Variants in MRM1 observed in about 807,000 individuals in gnomAD.
MRM1 encodes rRNA methyltransferase 1, mitochondrial.
In MRM1, 24 loss-of-function variants were observed where a neutral mutation model predicts 25.0. The observed-to-expected ratio is 0.96, with a 90% CI of 0.69 to 1.35. The LOEUF (loss-of-function observed/expected upper bound fraction) is 1.35, where lower values mean the gene tolerates loss of function less well. Among genes scored for constraint, MRM1 ranks in the 40% most tolerant of loss-of-function variants. MRM1 has a pLI of 0.00. For synonymous variants in MRM1, 188 were observed against 199.2 expected, an observed-to-expected ratio of 0.94 and a Z score of 0.47; for missense variants, 431 against 464.1, an observed-to-expected ratio of 0.93 and a Z score of 0.65.
chr17:36,625,464 T>TC, the MRM1 span, among the ~76,000 whole-genome samples: 3 of 137,998 alleles, frequency 2.2e-5, no homozygotes, highest in Admixed American at 1.4e-4. Context: ...TCCTCCTCCT[T>TC]TTTTTTTTTT....
chr17:36,631,163 C>G, the MRM1 span, among the ~76,000 whole-genome samples: 1 of 152,220 alleles, frequency 6.6e-6, no homozygotes, highest in Non-Finnish European at 1.5e-5. Context: ...GTGATCAAAG[C>G]TCTGGAGACT....
chr17:36,622,799 G>T, the MRM1 span, among the ~76,000 whole-genome samples: 1 of 152,170 alleles, frequency 6.6e-6, no homozygotes, highest in African/African-American at 2.4e-5. Flanking sequence ...GTCTGCCTGG[G>T]TCATGCTCCT....
At chr17:36,632,313 C>T in the MRM1 span, among the ~76,000 whole-genome samples, 1 of 152,112 alleles carries the variant, frequency 6.6e-6, no homozygotes, top group Non-Finnish European at 1.5e-5. Flanking sequence ...AGCAAAGAGC[C>T]AGGAGAGCCA....
At chr17:36,604,047 C>G (rs886600877) in intron 2 of MRM1, among the ~76,000 whole-genome samples, 2 of 152,370 alleles carry the variant, frequency 1.3e-5, no homozygotes, top group Admixed American at 1.3e-4. Context: ...CCGCCTGTTG[C>G]TGTGGAAGAG....
intron 2 of MRM1, among the ~76,000 whole-genome samples, chr17:36,603,994 A>G (rs180939904): frequency 6.6e-6 from 1 of 152,294 alleles, no homozygotes; most frequent in African/African-American, 2.4e-5. Flanking sequence ...TCCAGGCATC[A>G]CATCTCCCTA....
downstream of MRM1, among the ~76,000 whole-genome samples, chr17:36,611,691 G>T (rs1020602464): frequency 6.6e-6 from 1 of 152,162 alleles, no homozygotes; most frequent in Non-Finnish European, 1.5e-5. Context: ...AGAACAAAAA[G>T]TCTGACCTCT....
intron 2 of MRM1, among the ~76,000 whole-genome samples, chr17:36,606,618 T>TG (rs2074930615): frequency 6.6e-6 from 1 of 151,278 alleles, no homozygotes; most frequent in African/African-American, 2.4e-5. Flanking sequence ...TTTTTTTTTT[T>TG]TTTGAGACAG....
intron 4 of MRM1, 59 bp from the exon 5 acceptor site, chr17:36,608,184 G>T (rs2074948344): frequency 1.3e-6 from 2 of 1,520,594 alleles, no homozygotes; most frequent in Non-Finnish European, 1.8e-6. Flanking sequence ...GAATGTCTAG[G>T]TCTCTAAACA....
Position 36,607,754 on chromosome 17 carries a change from A to G in MRM1, c.721A>G (p.Met241Val), listed in dbSNP as rs1030807568. The G allele has an allele frequency of 1.1e-5, 17 of 1,614,040 alleles. No homozygotes were observed. Among genetic ancestry groups the G allele is most frequent in the Non-Finnish European group, 1.4e-5 (17 of 1,179,982 alleles). ...EDPQSSEIPI[M>V]SCLEFLWERP... ...TCCCCAGTCCTCCGAGATCCCCATC[A>G]TGAGTTGCTTGGAGTTCCTCTGGGA... is the stretch of plus-strand genomic sequence containing the variant. The change falls in exon 3 of 5, where the codon ATG becomes GTG. Residue 241 changes from methionine to valine, a missense_variant. Coordinates refer to ENST00000614766, the MANE Select transcript of MRM1 (RefSeq NM_024864.5).
chr17:36,603,646 G>A (rs1275240410), intron 2 of MRM1, among the ~76,000 whole-genome samples: 1 of 151,860 alleles, frequency 6.6e-6, no homozygotes, highest in Non-Finnish European at 1.5e-5. Context: ...CGATCCACTC[G>A]CCTCGGCCTC....
chr17:36,606,228 TC>T (rs1248795238), intron 2 of MRM1, among the ~76,000 whole-genome samples: 2 of 152,154 alleles, frequency 1.3e-5, no homozygotes, highest in Non-Finnish European at 2.9e-5. Flanking sequence ...AGTGAGTCCA[TC>T]CCCACCTGCC....
At chr17:36,607,857 G>A (rs2074944808) in intron 3 of MRM1, 42 bp from the exon 4 acceptor site, 7 of 1,611,414 alleles carry the variant, frequency 4.3e-6, no homozygotes, top group Non-Finnish European at 5.9e-6. Flanking sequence ...GCAACTGGGT[G>A]TCCAGCTGGG....
chr17:36,625,427 C>G, the MRM1 span, among the ~76,000 whole-genome samples: 1 of 148,616 alleles, frequency 6.7e-6, no homozygotes, highest in Non-Finnish European at 1.5e-5. Context: ...CCTCCTCCTC[C>G]TCCTTCTCCT....
At chr17:36,623,917 C>T in the MRM1 span, among the ~76,000 whole-genome samples, 4 of 152,230 alleles carry the variant, frequency 2.6e-5, no homozygotes, top group African/African-American at 9.7e-5. Flanking sequence ...CCCGCTCGGA[C>T]CTGCAATAGA....
At chr17:36,604,778 C>T (rs142385842) in intron 2 of MRM1, among the ~76,000 whole-genome samples, 1 of 151,002 alleles carries the variant, frequency 6.6e-6, no homozygotes, top group Non-Finnish European at 1.5e-5. Flanking sequence ...TGCACTCCAG[C>T]CTGAGTGACA....
the MRM1 span, among the ~76,000 whole-genome samples, chr17:36,628,563 G>A: frequency 1.3e-5 from 2 of 152,200 alleles, no homozygotes; most frequent in African/African-American, 4.8e-5. Context: ...GGTGCAGTGT[G>A]GCCAGTGCTC....
At position 36,601,837 on chromosome 17, in the gene MRM1, C is replaced by T; in HGVS notation, c.27C>T (p.Gly9=). MALLSTVR[G]ATWGRLVTRH... ...TGGCATTGCTCTCGACCGTCCGGGG[C>T]GCGACCTGGGGTCGCCTCGTCACCC... is the stretch of plus-strand genomic sequence containing the variant. Residue 9 remains glycine (G), a synonymous_variant, in exon 1 of 5, where the codon GGC becomes GGT. Coordinates refer to ENST00000614766, the MANE Select transcript of MRM1 (RefSeq NM_024864.5). 1.9e-6 allele frequency: 3 copies of T among 1,580,898 alleles called. No homozygotes were observed. Among genetic ancestry groups the T allele is most frequent in the Non-Finnish European group, 2.6e-6 (3 of 1,165,074 alleles).
chr17:36,609,206 G>A (rs2074958926), downstream of MRM1, among the ~76,000 whole-genome samples: 3 of 152,302 alleles, frequency 2.0e-5, no homozygotes, highest in South Asian at 6.2e-4. Context: ...GACAGATTTG[G>A]CACTCCTCCC....
chr17:36,602,492 A>G lies in MRM1; in HGVS notation c.543-61A>G. The G allele has an allele frequency of 6.2e-7, 1 of 1,609,784 alleles. No homozygotes were observed. Among genetic ancestry groups the G allele is most frequent in the Non-Finnish European group, 8.5e-7 (1 of 1,176,614 alleles). On this transcript the variant is annotated intron_variant, in intron 1 of 4. Transcript: ENST00000614766. The surrounding 1 kb of genome is among the most constrained non-coding windows in gnomAD (Gnocchi z 4.1). ...CCCCCTAGCCCTTGGGAGCCCTGGGAGGGTAGGGAGCCGGGCTTGAGATGG... is the reference window on the plus strand; with the variant it reads ...CCCCCTAGCCCTTGGGAGCCCTGGGGGGGTAGGGAGCCGGGCTTGAGATGG...
Sources: gnomAD v4.1 joint callset for allele counts (sites outside exome capture counted in the v4.1 genomes callset) on GRCh38, gnomAD v4.1.1 for gene constraint, Gnocchi (gnomAD v3.1) non-coding constraint, MANE v1.5 for transcripts, NCBI Gene and HGNC (gene_info 2026-07-23, HGNC 2026-07-21) for gene names.